Variants in IQCE observed in about 807,000 individuals in gnomAD.
IQCE encodes IQ domain-containing protein E.
A neutral mutation model predicts 96.0 loss-of-function variants in IQCE; 115 were observed. That is an observed-to-expected ratio of 1.20 (90% CI 1.03 to 1.40). The LOEUF (loss-of-function observed/expected upper bound fraction) is 1.40, where lower values mean the gene tolerates loss of function less well. Among genes scored for constraint, IQCE ranks in the 40% most tolerant of loss-of-function variants. The pLI is 0.00. For missense variants in IQCE, 1,041 were observed against 909.1 expected (o/e 1.15, Z -1.87); for synonymous variants, 412 against 371.2 (o/e 1.11, Z -1.26).
intron 18 of IQCE, among the ~76,000 whole-genome samples, chr7:2,603,612 C>T (rs989915040): frequency 3.3e-5 from 5 of 152,182 alleles, no homozygotes; most frequent in African/African-American, 7.2e-5. Flanking sequence ...ATGCGTGCCC[C>T]TCTCACCCCT....
Position 2,582,478 on chromosome 7 carries a change from G to T in IQCE, c.631-102G>T, listed in dbSNP as rs147689457. ...AGAAGAGAGCACAGCGCTGGAGGGA[G>T]GAAGGACAGTGAGGTGTGCCGGTGC... is the stretch of plus-strand genomic sequence containing the variant. On this transcript the variant is annotated intron_variant, in intron 8 of 21. Transcript: ENST00000402050. The T allele has an allele frequency of 3.8e-4, 353 of 926,856 alleles. 5 individuals carry two copies. The East Asian group carries it at 8.8e-3, about 23-fold the overall frequency. The allele number at this position is 926,856 out of a possible 1,614,324, so 57.4% of individuals were successfully genotyped here. A position where few individuals can be genotyped will look rare whatever the true frequency, so the allele number is the denominator to read the frequency against.
At chr7:2,575,924 A>G (rs1223414053) in intron 6 of IQCE, among the ~76,000 whole-genome samples, 2 of 152,120 alleles carry the variant, frequency 1.3e-5, no homozygotes, top group African/African-American at 4.8e-5. Flanking sequence ...GCAGGTGTTG[A>G]GTGGTACTGA....
chr7:2,559,200 G>T lies in IQCE; in HGVS notation c.19G>T (p.Glu7Ter). 1 of 1,217,294 alleles carries T rather than the reference G, an allele frequency of 8.2e-7. No homozygotes were observed. The allele number at this position is 1,217,294 out of a possible 1,614,324, so 75.4% of individuals were successfully genotyped here. A position where few individuals can be genotyped will look rare whatever the true frequency, so the allele number is the denominator to read the frequency against. The change falls in exon 1 of 22, where the codon GAG becomes TAG. Residue 7 changes from glutamate to a stop codon, truncating the protein, a stop_gained. Transcript: ENST00000402050. LOFTEE classifies it high-confidence loss of function. ...CGCCACCATGTTCCTGGGCACCGGG[G>T]AGCCGGCCTTGGACACGGTAAGAAC... The part of the protein sequence containing the change: MFLGTG[E>*]PALDTGDDSL...
At chr7:2,584,988 G>A (rs534429233) in intron 11 of IQCE, among the ~76,000 whole-genome samples, 9 of 151,866 alleles carry the variant, frequency 5.9e-5, no homozygotes, top group South Asian at 2.1e-4. Flanking sequence ...TAGAACGAGC[G>A]AATACTAAAC....
At chr7:2,603,466 A>G (rs4719599) in intron 18 of IQCE, among the ~76,000 whole-genome samples, 73,425 of 142,100 alleles carry the variant, frequency 0.52, 18,071 homozygotes, top group African/African-American at 0.58. Flanking sequence ...CCGTCTCCCC[A>G]TCCTGCTTCT....
Position 2,612,278 on chromosome 7 carries a change from G to C in IQCE, c.*2116G>C, listed in dbSNP as rs368568585. Reference sequence around the variant, plus strand: ...CCAGCATCCATCTTGAAGCTCGCTGGGTAAATGGCAATGCATTCTCAAGCC... The same window carrying C: ...CCAGCATCCATCTTGAAGCTCGCTGCGTAAATGGCAATGCATTCTCAAGCC... On this transcript the variant is annotated 3_prime_UTR_variant, in exon 22 of 22. Coordinates refer to ENST00000402050, the MANE Select transcript of IQCE (RefSeq NM_152558.5). The C allele has an allele frequency of 3.3e-5, 5 of 152,384 alleles. No individual in the cohort carries two copies. The highest frequency in any genetic ancestry group is 1.2e-4 in the African/African-American group (5 of 41,562). The allele number at this position is 152,384 out of a possible 1,614,324, so 9.4% of individuals were successfully genotyped here.
intron 15 of IQCE, among the ~76,000 whole-genome samples, chr7:2,594,649 G>A (rs563558585): frequency 6.6e-6 from 1 of 152,230 alleles, no homozygotes; most frequent in Non-Finnish European, 1.5e-5. Context: ...CCACGGCCTC[G>A]TGGGGCTTCC....
intron 21 of IQCE, 152 bp downstream of exon 21, chr7:2,607,379 T>C: frequency 2.9e-6 from 4 of 1,390,474 alleles, no homozygotes; most frequent in Non-Finnish European, 3.7e-6. Flanking sequence ...CGTCGCCTTA[T>C]GCCAGGAAGG....
Position 2,584,430 on chromosome 7 carries a change from G to C in IQCE, c.824+145G>C, listed in dbSNP as rs116763810. On this transcript the variant is annotated intron_variant, in intron 11 of 21. Transcript: ENST00000402050. ...CCAACACTGCACCTGTTCTGTTCAG[G>C]GTTAGAGTTGACACGTTTCCATTTG... is the stretch of plus-strand genomic sequence containing the variant. 2,272 of 793,246 alleles carry C rather than the reference G, an allele frequency of 2.9e-3. 28 individuals carry two copies. The African/African-American group carries it at 0.033, about 12-fold the overall frequency. The allele number at this position is 793,246 out of a possible 1,614,324, so 49.1% of individuals were successfully genotyped here.
chr7:2,585,080 G>T (rs1427973755), intron 11 of IQCE, among the ~76,000 whole-genome samples: 2 of 143,244 alleles, frequency 1.4e-5, no homozygotes, highest in Admixed American at 7.2e-5. Flanking sequence ...ATGTTGCCCA[G>T]GCTGGAGTGC....
intron 1 of IQCE, among the ~76,000 whole-genome samples, chr7:2,563,180 C>G (rs1781095853): frequency 1.3e-5 from 2 of 152,194 alleles, no homozygotes; most frequent in South Asian, 4.1e-4. Context: ...CACTCCTTGG[C>G]CTCCCAAAGT....
chr7:2,563,389 G>GTA (rs1422589229), intron 1 of IQCE, among the ~76,000 whole-genome samples: 97 of 151,578 alleles, frequency 6.4e-4, no homozygotes, highest in African/African-American at 2.2e-3. Flanking sequence ...GTGTGTGTGT[G>GTA]TGTGTGTGTG....
intron 8 of IQCE, among the ~76,000 whole-genome samples, chr7:2,581,193 T>C (rs940196404): frequency 1.3e-5 from 2 of 152,078 alleles, no homozygotes; most frequent in African/African-American, 4.8e-5. Flanking sequence ...ATGACTAACA[T>C]AATTTATTTG....
chr7:2,597,054 G>T, intron 16 of IQCE: 1 of 471,334 alleles, frequency 2.1e-6, no homozygotes. Context: ...CCACGCAGGA[G>T]CGGCGCGTCG....
At chr7:2,580,466 G>A (rs1384708415) in intron 8 of IQCE, among the ~76,000 whole-genome samples, 3 of 152,116 alleles carry the variant, frequency 2.0e-5, no homozygotes, top group African/African-American at 4.8e-5. Flanking sequence ...AAAAAAATTA[G>A]CCAGGTATGA....
intron 8 of IQCE, 52 bp downstream of exon 8, chr7:2,578,578 G>C (rs930313013): frequency 6.3e-7 from 1 of 1,596,168 alleles, no homozygotes; most frequent in Non-Finnish European, 8.6e-7. Flanking sequence ...TAGTTACTGG[G>C]GACAGCCACA....
Position 2,571,659 on chromosome 7 carries a change from G to A in IQCE, c.259+5G>A. On this transcript the variant is annotated splice_donor_5th_base_variant and intron_variant, in intron 4 of 21. Transcript: ENST00000402050. ...GGCTGGGAACCGCAAAGCCAGGTAT[G>A]TGGTTGTCGCACTGGAGACCCTTCC... is the stretch of plus-strand genomic sequence containing the variant. 6.3e-7 allele frequency: 1 copy of A among 1,598,692 alleles called. No homozygotes were observed. Among genetic ancestry groups the A allele is most frequent in the Non-Finnish European group, 8.5e-7 (1 of 1,179,458 alleles).
rs79675543 is a variant in IQCE, at chr7:2,591,202, A to G, written c.1244+1096A>G. ...TGGGAAGTCGAGGCTGCCGTGAGCT[A>G]TAATCGTACCACTGCATGCCAGCCT... On this transcript the variant is annotated intron_variant, in intron 14 of 21. Transcript: ENST00000402050. Among the ~76,000 whole-genome samples, 349 of 152,094 alleles carry G rather than the reference A, an allele frequency of 2.3e-3. 3 individuals carry two copies. The East Asian group carries it at 0.039, about 17-fold the overall frequency.
intron 6 of IQCE, among the ~76,000 whole-genome samples, chr7:2,576,621 G>A (rs902842624): frequency 1.3e-5 from 2 of 151,922 alleles, no homozygotes; most frequent in Non-Finnish European, 2.9e-5. Context: ...GGCTGGTCTC[G>A]AACTCCTGAC....
Sources: gnomAD v4.1 joint callset for allele counts (sites outside exome capture counted in the v4.1 genomes callset) on GRCh38, gnomAD v4.1.1 for gene constraint, MANE v1.5 for transcripts, NCBI Gene and HGNC (gene_info 2026-07-23, HGNC 2026-07-21) for gene names.